The following SYNE1 variants were observed in gnomAD, a reference collection of about 807,000 sequenced individuals.
SYNE1 encodes spectrin repeat containing nuclear envelope protein 1.
SYNE1 carries 616 observed loss-of-function variants against 1,111.0 expected under a neutral mutation model. The ratio of observed to expected loss-of-function variants is 0.55; its 90% confidence interval spans 0.52 to 0.59. SYNE1 has a LOEUF of 0.59. Ranked by LOEUF, SYNE1 falls within the 20% of genes least tolerant of loss-of-function variation. The pLI, the probability that SYNE1 is intolerant of heterozygous loss-of-function variation, is 0.00. For missense variants in SYNE1, 10,006 were observed against 10,417.0 expected, an observed-to-expected ratio of 0.96 and a Z score of 1.72; for synonymous variants, 3,855 against 3,825.8, an observed-to-expected ratio of 1.01 and a Z score of -0.28.
At chr6:152,282,150 G>A in intron 96 of SYNE1, 170 bp from the exon 97 acceptor site, 2 of 672,318 alleles carry the variant, frequency 3.0e-6, no homozygotes, top group Non-Finnish European at 5.2e-6. Context: ...AGAATTTCTA[G>A]GGGTGAGTCT....
intron 66 of SYNE1, among the ~76,000 whole-genome samples, chr6:152,358,008 G>C (rs767283123): frequency 2.0e-5 from 3 of 152,142 alleles, no homozygotes; most frequent in African/African-American, 7.2e-5. Flanking sequence ...GTTTGACTTT[G>C]TGTCACCTTC....
rs764114386 is a variant in SYNE1 at position 152,367,275 on chromosome 6, T to G, written c.9915A>C (p.Ser3305=). The G allele has an allele frequency of 1.2e-6, 2 of 1,614,276 alleles. 1 individual carries two copies. Among genetic ancestry groups the G allele is most frequent in the Admixed American group, 3.3e-5 (2 of 60,038 alleles). The stretch of plus-strand genomic sequence containing the variant: ...TTTTGTCGGATGTCGGGTGGCAGTA[T>G]GAATCCAGCATGTGAATCGCATCCG... ...WMTDAIHMLD[S]YCHPTSDKSV... The change falls in exon 62 of 146, where the codon TCA becomes TCC. Residue 3305 remains serine, a synonymous_variant. Coordinates refer to ENST00000367255, the MANE Select transcript of SYNE1 (RefSeq NM_182961.4).
chr6:152,416,258 T>C (rs2098153122), intron 41 of SYNE1, 129 bp downstream of exon 41: 2 of 1,303,924 alleles, frequency 1.5e-6, no homozygotes, highest in African/African-American at 1.5e-5. Flanking sequence ...TTCTTTCTTT[T>C]GGCAGAGTGA....
At chr6:152,441,055 T>C (rs897239551) in intron 32 of SYNE1, 75 bp downstream of exon 32, 8 of 1,548,130 alleles carry the variant, frequency 5.2e-6, no homozygotes, top group Non-Finnish European at 5.3e-6. Flanking sequence ...TTAATAGTAA[T>C]AATGGAGGAG....
At chr6:152,200,641 T>A (rs890919058) in intron 127 of SYNE1, among the ~76,000 whole-genome samples, 3 of 152,176 alleles carry the variant, frequency 2.0e-5, no homozygotes, top group Admixed American at 1.3e-4. Context: ...AATGATCTGT[T>A]TGCCTTGGCC....
rs199758630 is a variant in SYNE1 at position 152,458,779 on chromosome 6, G to T, written c.2546C>A (p.Ala849Asp). 1 of 1,613,964 alleles carries T rather than the reference G, an allele frequency of 6.2e-7. No homozygotes were observed. The highest frequency in any genetic ancestry group is 1.3e-5 in the African/African-American group (1 of 75,016). The change falls in exon 22 of 146, where the codon GCC becomes GAC. Residue 849 changes from alanine to aspartate, a missense_variant. Transcript: ENST00000367255. ...CACCTGATGTTTTTGTTTAAAAAGGGCACTCGATTGTGCCTCACGCTCAAG... is the reference window on the plus strand; with the variant it reads ...CACCTGATGTTTTTGTTTAAAAAGGTCACTCGATTGTGCCTCACGCTCAAG... Reference protein sequence around the residue: ...TVLEREAQSSALFKQKHQELL... With the variant: ...TVLEREAQSSDLFKQKHQELL...
chr6:152,467,884 T>C (rs1321799736), intron 16 of SYNE1, among the ~76,000 whole-genome samples: 3 of 152,192 alleles, frequency 2.0e-5, no homozygotes, highest in Non-Finnish European at 4.4e-5. Flanking sequence ...ATATGGATTA[T>C]TTTATCTATT....
chr6:152,399,328 T>C (rs1421795323), intron 48 of SYNE1, among the ~76,000 whole-genome samples: 1 of 152,146 alleles, frequency 6.6e-6, no homozygotes, highest in Admixed American at 6.5e-5. Context: ...GTGGAAGTAA[T>C]TTTCCACACA....
At chr6:152,455,709 G>A in intron 23 of SYNE1, 119 bp from the exon 24 acceptor site, 1 of 1,430,668 alleles carries the variant, frequency 7.0e-7, no homozygotes, top group Non-Finnish European at 9.7e-7. Context: ...ATCATCATGG[G>A]AATAATTAAC....
At chr6:152,134,739 T>A (rs1344763360) in intron 142 of SYNE1, 3 of 255,938 alleles carry the variant, frequency 1.2e-5, no homozygotes, top group Non-Finnish European at 2.3e-5. Context: ...TATTCTAATA[T>A]TTTAATGACC....
chr6:152,150,800 A>C (rs1260276649), intron 135 of SYNE1, among the ~76,000 whole-genome samples: 1 of 152,250 alleles, frequency 6.6e-6, no homozygotes, highest in African/African-American at 2.4e-5. Flanking sequence ...TTGGCATCTA[A>C]GAATGCAGAC....
At chr6:152,224,740 A>G in intron 116 of SYNE1, 76 bp from the exon 117 acceptor site, 4 of 1,416,738 alleles carry the variant, frequency 2.8e-6, no homozygotes, top group Non-Finnish European at 4.0e-6. Flanking sequence ...TTGATGGGAA[A>G]ATATTAACAT....
intron 14 of SYNE1, among the ~76,000 whole-genome samples, chr6:152,480,205 T>C (rs929501299): frequency 6.6e-6 from 1 of 152,202 alleles, no homozygotes; most frequent in African/African-American, 2.4e-5. Flanking sequence ...TTGAGGAAAC[T>C]TATAATTTTT....
intron 64 of SYNE1, among the ~76,000 whole-genome samples, chr6:152,359,819 C>T (rs1043314425): frequency 1.3e-5 from 2 of 151,938 alleles, no homozygotes; most frequent in Admixed American, 1.3e-4. Flanking sequence ...CTCTTTCCAT[C>T]TCTTTTCAAA....
At chr6:152,574,179 TA>T (rs1472657818) in intron 3 of SYNE1, among the ~76,000 whole-genome samples, 3 of 136,234 alleles carry the variant, frequency 2.2e-5, no homozygotes, top group Non-Finnish European at 4.6e-5. Context: ...TATACACACA[TA>T]TATATATACA....
rs747679686 is a variant in SYNE1 at position 152,330,261 on chromosome 6, C to A, written c.14424G>T (p.Thr4808=). ...KEEQSKVNEE[T]LPAEEKLKMY... ...TTTTGAGCTTCTCCTCTGCAGGCAG[C>A]GTTTCCTCATTCACTTTGGACTGCT... Residue 4808 remains threonine (T), a synonymous_variant, in exon 78 of 146, where the codon ACG becomes ACT. Coordinates refer to ENST00000367255, the MANE Select transcript of SYNE1 (RefSeq NM_182961.4). The A allele has an allele frequency of 1.9e-6, 3 of 1,614,182 alleles. No homozygotes were observed. Among genetic ancestry groups the A allele is most frequent in the South Asian group, 1.1e-5 (1 of 91,084 alleles).
At chr6:152,203,855 CA>C (rs964764022) in intron 126 of SYNE1, among the ~76,000 whole-genome samples, 7 of 151,062 alleles carry the variant, frequency 4.6e-5, no homozygotes, top group Non-Finnish European at 7.4e-5. Context: ...TCTTAAAAAA[CA>C]AAAAAAAATT....
intron 3 of SYNE1, among the ~76,000 whole-genome samples, chr6:152,591,617 C>T (rs539293099): frequency 3.9e-5 from 6 of 152,120 alleles, no homozygotes; most frequent in African/African-American, 1.4e-4. Flanking sequence ...ATTTTTGGCT[C>T]AGTTCCCAAA....
intron 3 of SYNE1, among the ~76,000 whole-genome samples, chr6:152,563,075 C>CAG (rs397785210): frequency 5.3e-5 from 8 of 151,870 alleles, no homozygotes; most frequent in Admixed American, 1.3e-4. Context: ...CACACACACA[C>CAG]AGAAAGAGAA....
Sources: gnomAD v4.1 joint callset for allele counts (sites outside exome capture counted in the v4.1 genomes callset) on GRCh38, gnomAD v4.1.1 for gene constraint, MANE v1.5 for transcripts, NCBI Gene and HGNC (gene_info 2026-07-23, HGNC 2026-07-21) for gene names.